The following ALK variants were observed in gnomAD, a reference collection of about 807,000 sequenced individuals.
ALK encodes ALK tyrosine kinase receptor.
In ALK, 74 loss-of-function variants were observed where a neutral mutation model predicts 163.1. The ratio of observed to expected loss-of-function variants is 0.45; its 90% CI spans 0.38 to 0.55. The LOEUF is 0.55. Among genes scored for constraint, ALK ranks in the 20% least tolerant of loss-of-function variants. The pLI is 0.00. For missense variants in ALK, 2,063 were observed against 2,105.3 expected, an observed-to-expected ratio of 0.98 and a Z score of 0.39; for synonymous variants, 960 against 843.2, an observed-to-expected ratio of 1.14 and a Z score of -2.40.
chr2:29,417,776 A>T (rs116245622), intron 4 of ALK, among the ~76,000 whole-genome samples: 1,731 of 152,320 alleles, frequency 0.011, 28 homozygotes, highest in African/African-American at 0.039. Context: ...CCTTACGTAC[A>T]TAAGGAGGAG....
intron 3 of ALK, among the ~76,000 whole-genome samples, chr2:29,590,441 G>A (rs902641639): frequency 3.9e-5 from 6 of 152,142 alleles, no homozygotes; most frequent in Admixed American, 6.5e-5. Flanking sequence ...AAACTTTAGT[G>A]AGGTTCCTGA....
Position 29,231,874 on chromosome 2 carries a change from G to T in ALK, c.2632+430C>A, listed in dbSNP as rs183883951. Among the ~76,000 whole-genome samples, 177 of 152,312 alleles carry T rather than the reference G, an allele frequency of 1.2e-3. 1 individual carries two copies. Among genetic ancestry groups the T allele is most frequent in the African/African-American group, 4.1e-3 (170 of 41,548 alleles). Reference sequence around the variant, plus strand: ...GAGTCAAGTAAGAGATTTTCCAGCGGGGATACGCTTGGGTCTGGCAGCCCA... The same window carrying T: ...GAGTCAAGTAAGAGATTTTCCAGCGTGGATACGCTTGGGTCTGGCAGCCCA... On this transcript the variant is annotated intron_variant, in intron 15 of 28. Transcript: ENST00000389048.
intron 3 of ALK, among the ~76,000 whole-genome samples, chr2:29,538,935 G>A (rs922507980): frequency 6.6e-6 from 1 of 152,162 alleles, no homozygotes; most frequent in South Asian, 2.1e-4. Flanking sequence ...TTAACTTTAT[G>A]TGATATATTT....
At chr2:29,445,016 A>G (rs1670638015) in intron 4 of ALK, among the ~76,000 whole-genome samples, 1 of 152,186 alleles carries the variant, frequency 6.6e-6, no homozygotes, top group Non-Finnish European at 1.5e-5. Context: ...AAGATAAAGG[A>G]GCCAGGATTT....
chr2:29,302,506 A>G (rs1380934962), intron 8 of ALK, among the ~76,000 whole-genome samples: 1 of 152,212 alleles, frequency 6.6e-6, no homozygotes, highest in Non-Finnish European at 1.5e-5. Flanking sequence ...GGACAAGAGC[A>G]AGACTTCGTC....
At chr2:29,680,048 G>C (rs994390447) in intron 3 of ALK, among the ~76,000 whole-genome samples, 5 of 151,968 alleles carry the variant, frequency 3.3e-5, no homozygotes, top group Non-Finnish European at 7.4e-5. Flanking sequence ...CAAATAAGAA[G>C]TCAGCCATTA....
chr2:29,196,563 G>A (rs1573082988), intron 28 of ALK, among the ~76,000 whole-genome samples: 1 of 152,208 alleles, frequency 6.6e-6, no homozygotes, highest in African/African-American at 2.4e-5. Context: ...GCACTGTGCT[G>A]TGTGCTGGTG....
At chr2:29,328,936 G>A (rs1667357424) in intron 5 of ALK, among the ~76,000 whole-genome samples, 1 of 152,168 alleles carries the variant, frequency 6.6e-6, no homozygotes, top group Non-Finnish European at 1.5e-5. Flanking sequence ...TTCTACCACT[G>A]GAGTGACTTA....
At chr2:29,307,247 T>C (rs1311342233) in intron 8 of ALK, among the ~76,000 whole-genome samples, 1 of 152,216 alleles carries the variant, frequency 6.6e-6, no homozygotes, top group African/African-American at 2.4e-5. Flanking sequence ...AAATAATATC[T>C]ATTCTGCATG....
intron 1 of ALK, among the ~76,000 whole-genome samples, chr2:29,739,745 T>C (rs917557126): frequency 6.6e-6 from 1 of 152,056 alleles, no homozygotes; most frequent in African/African-American, 2.4e-5. Context: ...GTTAAAAGAT[T>C]TTATGAGATG....
intron 3 of ALK, among the ~76,000 whole-genome samples, chr2:29,640,578 GT>G (rs1185582088): frequency 1.3e-5 from 2 of 152,058 alleles, no homozygotes; most frequent in Non-Finnish European, 2.9e-5. Context: ...CCACATTCCT[GT>G]ACAGCCTGCA....
At chr2:29,277,258 G>A (rs1324468377) in intron 9 of ALK, among the ~76,000 whole-genome samples, 3 of 152,202 alleles carry the variant, frequency 2.0e-5, no homozygotes, top group Non-Finnish European at 4.4e-5. Context: ...TAGCCAGTGG[G>A]TAAACTACAG....
At chr2:29,287,448 A>C (rs1002941351) in intron 9 of ALK, among the ~76,000 whole-genome samples, 2 of 152,200 alleles carry the variant, frequency 1.3e-5, no homozygotes, top group Non-Finnish European at 2.9e-5. Flanking sequence ...TTTGATTCTT[A>C]CATGTGCCAA....
intron 5 of ALK, among the ~76,000 whole-genome samples, chr2:29,342,287 C>A (rs1384898897): frequency 1.3e-5 from 2 of 152,194 alleles, no homozygotes; most frequent in African/African-American, 2.4e-5. Context: ...TAAATTCTAA[C>A]ACATGCTTCC....
At chr2:29,617,604 A>T (rs1297247715) in intron 3 of ALK, among the ~76,000 whole-genome samples, 1 of 152,126 alleles carries the variant, frequency 6.6e-6, no homozygotes, top group Non-Finnish European at 1.5e-5. Context: ...CTGTCCTGTC[A>T]GCTCAGTTTT....
At chr2:29,909,799 C>A (rs1478556615) in intron 1 of ALK, among the ~76,000 whole-genome samples, 1 of 152,094 alleles carries the variant, frequency 6.6e-6, no homozygotes, top group Non-Finnish European at 1.5e-5. Context: ...TAAGAGGAGG[C>A]TTAAACTAAC....
At chr2:29,892,865 A>C (rs932223630) in intron 1 of ALK, among the ~76,000 whole-genome samples, 16 of 152,160 alleles carry the variant, frequency 1.1e-4, no homozygotes, top group African/African-American at 3.9e-4. Flanking sequence ...ACTTGTGGAT[A>C]CTCAGAATGA....
chr2:29,456,110 A>T (rs1381464628), intron 4 of ALK, among the ~76,000 whole-genome samples: 1 of 152,204 alleles, frequency 6.6e-6, no homozygotes, highest in Non-Finnish European at 1.5e-5. Context: ...ACCCTCGTGC[A>T]TTGCTGCTGG....
At chr2:29,377,892 A>G (rs1365434497) in intron 5 of ALK, among the ~76,000 whole-genome samples, 1 of 152,218 alleles carries the variant, frequency 6.6e-6, no homozygotes, top group Non-Finnish European at 1.5e-5. Context: ...CATCCTCTCT[A>G]ATGAATGAAT....
Sources: allele counts gnomAD v4.1 joint callset (sites outside exome capture counted in the v4.1 genomes callset), GRCh38; gene constraint gnomAD v4.1.1; transcripts MANE v1.5; gene names NCBI Gene and HGNC (gene_info 2026-07-23, HGNC 2026-07-21).